Variants in PDZRN3 observed in about 807,000 individuals in gnomAD.
The protein encoded by PDZRN3 is E3 ubiquitin-protein ligase PDZRN3.
PDZRN3 carries 38 observed loss-of-function variants against 85.7 expected under a neutral mutation model. The observed-to-expected ratio is 0.44, with a 90% CI of 0.34 to 0.58. The LOEUF (loss-of-function observed/expected upper bound fraction) is 0.58, where lower values mean the gene tolerates loss of function less well. PDZRN3 is among the 20% of genes least tolerant of loss of function. The pLI is 0.01. For missense variants in PDZRN3, 1,629 were observed against 1,506.4 expected (o/e 1.08, Z -1.35); for synonymous variants, 759 against 638.0 (o/e 1.19, Z -2.86).
At chr3:73,566,205 C>A (rs754684503) in intron 3 of PDZRN3, among the ~76,000 whole-genome samples, 1 of 152,156 alleles carries the variant, frequency 6.6e-6, no homozygotes, top group African/African-American at 2.4e-5. Flanking sequence ...TTACTTGAAC[C>A]AATTTCTTTT....
intron 3 of PDZRN3, among the ~76,000 whole-genome samples, chr3:73,464,568 A>G (rs1401903908): frequency 6.6e-6 from 1 of 152,104 alleles, no homozygotes; most frequent in African/African-American, 2.4e-5. Flanking sequence ...CTTCCCTTCC[A>G]GTTTCTGTAT....
chr3:73,521,514 T>C (rs1012502440), intron 3 of PDZRN3, among the ~76,000 whole-genome samples: 3 of 152,008 alleles, frequency 2.0e-5, no homozygotes, highest in Admixed American at 6.6e-5. Context: ...TTGTTGAGTC[T>C]CTCCAAAAAG....
chr3:73,523,294 T>C (rs111827667), intron 3 of PDZRN3, among the ~76,000 whole-genome samples: 2 of 152,184 alleles, frequency 1.3e-5, no homozygotes, highest in African/African-American at 4.8e-5. Context: ...CCCAAAGTGC[T>C]GGGATTATAG....
intron 3 of PDZRN3, among the ~76,000 whole-genome samples, chr3:73,520,492 C>G (rs1704339863): frequency 6.6e-6 from 1 of 152,144 alleles, no homozygotes; most frequent in Non-Finnish European, 1.5e-5. Context: ...GCCAACAGAG[C>G]AAGACCCTGT....
intron 3 of PDZRN3, among the ~76,000 whole-genome samples, chr3:73,436,039 C>A (rs1309875727): frequency 1.3e-5 from 2 of 152,298 alleles, no homozygotes; most frequent in Middle Eastern, 3.4e-3. Context: ...AACCGCTCTT[C>A]CCTTTCTCCT....
chr3:73,393,528 C>T (rs957455369), intron 5 of PDZRN3, among the ~76,000 whole-genome samples: 3 of 152,066 alleles, frequency 2.0e-5, no homozygotes, highest in Non-Finnish European at 2.9e-5. Flanking sequence ...TTGGTGAACG[C>T]GTCGCAGATG....
rs540420304 is a variant in PDZRN3 at position 73,415,208 on chromosome 3, C to T, written c.919-10813G>A. 1.3e-3 allele frequency among the ~76,000 whole-genome samples: 193 copies of T among 152,210 alleles called. 4 individuals carry two copies. In the South Asian group the frequency reaches 0.022, roughly 17 times the overall value. On this transcript the variant is annotated intron_variant, in intron 3 of 9. Transcript: ENST00000263666. Reference sequence around the variant, plus strand: ...GAAAACCTGGCAGGGAGAGGGAGGTCCCCTGAGGAACAGGTGTAGAGCACC... The same window carrying T: ...GAAAACCTGGCAGGGAGAGGGAGGTTCCCTGAGGAACAGGTGTAGAGCACC...
chr3:73,462,167 G>A (rs1242695073), intron 3 of PDZRN3, among the ~76,000 whole-genome samples: 1 of 152,160 alleles, frequency 6.6e-6, no homozygotes, highest in Non-Finnish European at 1.5e-5. Flanking sequence ...TCACACTTTT[G>A]ATTGGGAAAG....
chr3:73,521,112 G>C (rs1161466164), intron 3 of PDZRN3, among the ~76,000 whole-genome samples: 1 of 152,198 alleles, frequency 6.6e-6, no homozygotes, highest in Non-Finnish European at 1.5e-5. Flanking sequence ...AAGAGAAAAA[G>C]GAGGAGACAG....
chr3:73,485,042 G>A (rs1441090949), intron 3 of PDZRN3, among the ~76,000 whole-genome samples: 1 of 152,048 alleles, frequency 6.6e-6, no homozygotes, highest in Non-Finnish European at 1.5e-5. Flanking sequence ...CCAAGTAAGC[G>A]ACAAAAACAA....
chr3:73,539,670 C>G lies in PDZRN3; in HGVS notation c.918+62684G>C, dbSNP rs561785387. 7.9e-5 allele frequency among the ~76,000 whole-genome samples: 12 copies of G among 152,184 alleles called. No individual in the cohort carries two copies. The South Asian group carries it at 2.5e-3, about 32-fold the overall frequency. ...CAATCCAGCCATCCCAGCTAGGACA[C>G]GAGCAAGTCCGCATGAGACCAGCAG... On this transcript the variant is annotated intron_variant, in intron 3 of 9. Transcript: ENST00000263666.
chr3:73,414,538 T>C (rs1199754781), intron 3 of PDZRN3, among the ~76,000 whole-genome samples: 1 of 152,226 alleles, frequency 6.6e-6, no homozygotes, highest in Non-Finnish European at 1.5e-5. Flanking sequence ...CATCTTGCAG[T>C]TTACAGACCA....
intron 3 of PDZRN3, among the ~76,000 whole-genome samples, chr3:73,414,748 T>C (rs1702042219): frequency 1.3e-5 from 2 of 152,370 alleles, no homozygotes; most frequent in East Asian, 1.9e-4. Flanking sequence ...TAATCATTAG[T>C]TGGCTTGTCC....
At chr3:73,597,226 C>T (rs950293700) in intron 3 of PDZRN3, among the ~76,000 whole-genome samples, 11 of 152,272 alleles carry the variant, frequency 7.2e-5, no homozygotes, top group African/African-American at 2.6e-4. Flanking sequence ...CTTTGTTCCA[C>T]CAAGTAGCCT....
Position 73,384,396 on chromosome 3 carries a change from T to A in PDZRN3, c.2170A>T (p.Ser724Cys). The A allele has an allele frequency of 6.2e-7, 1 of 1,609,634 alleles. No individual in the cohort carries two copies. Among genetic ancestry groups the A allele is most frequent in the African/African-American group, 1.3e-5 (1 of 75,056 alleles). Reference sequence around the variant, plus strand: ...CTGGTGTTGTAGTTGCGGAAGCCGCTGTTGTGCAGCATCCAGGACTCGCGG... The same window carrying A: ...CTGGTGTTGTAGTTGCGGAAGCCGCAGTTGTGCAGCATCCAGGACTCGCGG... ...QYRESWMLHN[S>C]GFRNYNTSID... The change falls in exon 10 of 10, where the codon AGC (serine) becomes TGC (cysteine). Residue 724 changes from serine (S) to cysteine (C), a missense_variant. Coordinates refer to ENST00000263666, the MANE Select transcript of PDZRN3 (RefSeq NM_015009.3).
chr3:73,535,586 G>A (rs1227567002), intron 3 of PDZRN3, among the ~76,000 whole-genome samples: 2 of 152,190 alleles, frequency 1.3e-5, no homozygotes, highest in Admixed American at 1.3e-4. Flanking sequence ...CATATCCACA[G>A]AGCTGCCTTT....
In PDZRN3 at chr3:73,384,049, C is replaced by T. The variant is rs150570436; in HGVS notation, c.2517G>A (p.Glu839=). 3 of 1,605,448 alleles carry T rather than the reference C, an allele frequency of 1.9e-6. No homozygotes were observed. In the African/African-American group the frequency reaches 4.0e-5, roughly 21 times the overall value. Residue 839 remains glutamate (E), a synonymous_variant, in exon 10 of 10, where the codon GAG becomes GAA. Coordinates refer to ENST00000263666, the MANE Select transcript of PDZRN3 (RefSeq NM_015009.3). ...TCCGGCTCCCGTCGCTGGCTCTCCG[C>T]TCTTTGCTTTCCAGGGGCTGGTTGG... is the stretch of plus-strand genomic sequence containing the variant. ...LDPNQPLESK[E]RRASDGSRSP... is the part of the protein sequence containing the mutation.
intron 3 of PDZRN3, among the ~76,000 whole-genome samples, chr3:73,458,285 G>A (rs1575667473): frequency 1.3e-5 from 2 of 151,712 alleles, no homozygotes; most frequent in African/African-American, 4.8e-5. Flanking sequence ...GCAGATGCCC[G>A]TAACAGCTGT....
intron 3 of PDZRN3, among the ~76,000 whole-genome samples, chr3:73,502,706 G>A (rs1395900767): frequency 2.0e-5 from 3 of 152,170 alleles, no homozygotes; most frequent in Non-Finnish European, 1.5e-5. Context: ...AAGGCAGCTC[G>A]GTCAAGGATG....
Sources: gnomAD v4.1 joint callset for allele counts (sites outside exome capture counted in the v4.1 genomes callset) on GRCh38, gnomAD v4.1.1 for gene constraint, MANE v1.5 for transcripts, NCBI Gene and HGNC (gene_info 2026-07-23, HGNC 2026-07-21) for gene names.